The following SPIDR variants were observed in gnomAD, a reference collection of about 807,000 sequenced individuals.
SPIDR encodes the protein DNA repair-scaffolding protein.
SPIDR carries 93 observed loss-of-function variants against 104.6 expected under a neutral mutation model. The observed-to-expected ratio is 0.89, with a 90% CI of 0.75 to 1.06. The LOEUF (loss-of-function observed/expected upper bound fraction) is 1.06. SPIDR is among the 50% of genes least tolerant of loss of function. The pLI is 0.00. For missense variants in SPIDR, 1,154 were observed against 1,111.2 expected (o/e 1.04, Z -0.55); for synonymous variants, 431 against 416.9 (o/e 1.03, Z -0.41).
chr8:47,396,914 G>A (rs1434050076), intron 6 of SPIDR, among the ~76,000 whole-genome samples: 2 of 152,126 alleles, frequency 1.3e-5, no homozygotes, highest in Non-Finnish European at 2.9e-5. Context: ...AACTTATAAT[G>A]TAAAAAGGGA....
chr8:47,607,534 G>T (rs1360462070), intron 10 of SPIDR, among the ~76,000 whole-genome samples: 1 of 151,906 alleles, frequency 6.6e-6, no homozygotes, highest in Non-Finnish European at 1.5e-5. Context: ...CTTTGTGTGT[G>T]TTTGGACAGT....
At chr8:47,360,154 A>G (rs2055491823) in intron 5 of SPIDR, among the ~76,000 whole-genome samples, 1 of 141,578 alleles carries the variant, frequency 7.1e-6, no homozygotes, top group African/African-American at 2.6e-5. Context: ...AGGCAGGACA[A>G]TGGCATGAAC....
At chr8:47,549,146 A>AC (rs1406908466) in intron 8 of SPIDR, among the ~76,000 whole-genome samples, 2 of 152,078 alleles carry the variant, frequency 1.3e-5, no homozygotes, top group African/African-American at 2.4e-5. Flanking sequence ...TATATGTGCC[A>AC]ATTTTCTTAA....
chr8:47,345,252 T>C (rs1188633974), intron 5 of SPIDR, among the ~76,000 whole-genome samples: 1 of 152,232 alleles, frequency 6.6e-6, no homozygotes, highest in Non-Finnish European at 1.5e-5. Context: ...TTGTCAGATT[T>C]GTCAAAGATC....
chr8:47,309,083 C>G (rs587671970), intron 5 of SPIDR, among the ~76,000 whole-genome samples: 11 of 152,278 alleles, frequency 7.2e-5, no homozygotes, highest in African/African-American at 2.2e-4. Flanking sequence ...CCTCTGATTG[C>G]GTATAAGTTA....
intron 5 of SPIDR, chr8:47,360,884 C>T: frequency 9.1e-6 from 9 of 985,412 alleles, no homozygotes; most frequent in Non-Finnish European, 1.1e-5. Context: ...ACAGACACTG[C>T]TTTGGTGCTG....
intron 5 of SPIDR, among the ~76,000 whole-genome samples, chr8:47,337,566 C>T (rs2049997025): frequency 6.8e-6 from 1 of 147,492 alleles, no homozygotes; most frequent in African/African-American, 2.5e-5. Context: ...TTAATACCAT[C>T]TTTTTTTCCA....
At chr8:47,275,505 T>C (rs2036236761) in intron 1 of SPIDR, among the ~76,000 whole-genome samples, 1 of 152,184 alleles carries the variant, frequency 6.6e-6, no homozygotes, top group Non-Finnish European at 1.5e-5. Flanking sequence ...AAAAGCAGAT[T>C]ATGTATTCTT....
chr8:47,650,311 T>C (rs1362571649), intron 10 of SPIDR, among the ~76,000 whole-genome samples: 8 of 152,120 alleles, frequency 5.3e-5, no homozygotes, highest in Non-Finnish European at 1.2e-4. Context: ...ACACCAACAA[T>C]GACCAAGCGG....
At chr8:47,716,860 C>T (rs2082655980) in intron 16 of SPIDR, among the ~76,000 whole-genome samples, 1 of 152,176 alleles carries the variant, frequency 6.6e-6, no homozygotes, top group Non-Finnish European at 1.5e-5. Context: ...AGAAGGGCAG[C>T]AGGGGACCCA....
At chr8:47,296,893 G>C (rs2040942368) in intron 5 of SPIDR, among the ~76,000 whole-genome samples, 1 of 152,128 alleles carries the variant, frequency 6.6e-6, no homozygotes, top group South Asian at 2.1e-4. Flanking sequence ...CCATGTGTTT[G>C]TGTCATCTAC....
chr8:47,450,609 G>A (rs2071539284), intron 8 of SPIDR, among the ~76,000 whole-genome samples: 4 of 152,210 alleles, frequency 2.6e-5, no homozygotes, highest in Admixed American at 2.0e-4. Flanking sequence ...ATATGCAAAT[G>A]TATATTGTTG....
Position 47,279,890 on chromosome 8 carries a change from C to G in SPIDR, c.62C>G (p.Pro21Arg). The change falls in exon 2 of 20, where the codon CCA becomes CGA. Residue 21 changes from proline to arginine, a missense_variant. Pro to Arg is a moderately radical substitution (Grantham distance 103, BLOSUM62 -2). Transcript: ENST00000297423. ...AAAAGGAGTTGGAATACAGAATGCC[C>G]ATCCTTTCCAGGAGAAAGACCACTG... ...KRKRSWNTEC[P>R]SFPGERPLQV... The G allele has an allele frequency of 6.2e-7, 1 of 1,613,550 alleles. No homozygotes were observed. Among genetic ancestry groups the G allele is most frequent in the Non-Finnish European group, 8.5e-7 (1 of 1,179,770 alleles).
intron 1 of SPIDR, among the ~76,000 whole-genome samples, chr8:47,265,208 T>C (rs2033665090): frequency 6.7e-6 from 1 of 149,986 alleles, no homozygotes; most frequent in African/African-American, 2.5e-5. Flanking sequence ...TTTTTTTTTT[T>C]TGAGACAGTC....
At chr8:47,402,581 G>A (rs562245937) in intron 6 of SPIDR, among the ~76,000 whole-genome samples, 171 of 152,232 alleles carry the variant, frequency 1.1e-3, no homozygotes, top group African/African-American at 3.7e-3. Flanking sequence ...ACACCTCTAC[G>A]CAAATAAACT....
intron 14 of SPIDR, among the ~76,000 whole-genome samples, chr8:47,705,570 C>A (rs1237172955): frequency 6.6e-6 from 1 of 152,178 alleles, no homozygotes; most frequent in Non-Finnish European, 1.5e-5. Context: ...GGTTGACTTT[C>A]AGAATGGCAC....
chr8:47,603,974 A>G (rs1055124366), intron 10 of SPIDR, among the ~76,000 whole-genome samples: 1 of 152,140 alleles, frequency 6.6e-6, no homozygotes, highest in Non-Finnish European at 1.5e-5. Context: ...CTAAGGGAAA[A>G]AAAAATCCAC....
intron 10 of SPIDR, among the ~76,000 whole-genome samples, chr8:47,663,638 G>A (rs913285073): frequency 1.3e-5 from 2 of 152,062 alleles, no homozygotes; most frequent in Non-Finnish European, 2.9e-5. Flanking sequence ...TTTGTACTTG[G>A]CTCATTTCTT....
intron 1 of SPIDR, among the ~76,000 whole-genome samples, chr8:47,266,672 A>G (rs1294307991): frequency 1.3e-5 from 2 of 152,246 alleles, no homozygotes; most frequent in Non-Finnish European, 2.9e-5. Context: ...GTTTAACTCT[A>G]TAAGAAACTG....
Sources: gnomAD v4.1 joint callset for allele counts (sites outside exome capture counted in the v4.1 genomes callset) on GRCh38, gnomAD v4.1.1 for gene constraint, MANE v1.5 for transcripts, NCBI Gene and HGNC (gene_info 2026-07-23, HGNC 2026-07-21) for gene names.